The following AK3 variants were observed in gnomAD, a reference collection of about 807,000 sequenced individuals.
The protein encoded by AK3 is adenylate kinase 3.
In AK3, 27 loss-of-function variants were observed where a neutral mutation model predicts 23.7. The observed-to-expected ratio is 1.14, with a 90% CI of 0.84 to 1.57. AK3 has a LOEUF of 1.57. AK3 is among the 40% of genes most tolerant of loss of function. AK3 has a pLI of 0.00. For missense variants in AK3, 406 were observed against 285.6 expected (o/e 1.42, Z -3.04); for synonymous variants, 159 against 116.0 (o/e 1.37, Z -2.38).
At chr9:4,739,747 C>A (rs1044096179) in intron 1 of AK3, among the ~76,000 whole-genome samples, 1 of 151,882 alleles carries the variant, frequency 6.6e-6, no homozygotes, top group Non-Finnish European at 1.5e-5. Flanking sequence ...CTGGCTAACA[C>A]AGTGAAACCC....
chr9:4,716,086 T>C (rs910838169), intron 4 of AK3, among the ~76,000 whole-genome samples: 1 of 152,212 alleles, frequency 6.6e-6, no homozygotes, highest in Non-Finnish European at 1.5e-5. Flanking sequence ...GCGGAGTGAC[T>C]GACGCCTGAT....
Position 4,713,041 on chromosome 9 carries a change from A to G in AK3, c.619T>C (p.Tyr207His). 1.2e-6 allele frequency: 2 copies of G among 1,613,818 alleles called. No individual in the cohort carries two copies. Among genetic ancestry groups the G allele is most frequent in the Non-Finnish European group, 1.7e-6 (2 of 1,179,796 alleles). ...TTAGTTTGTAGGAAAGCATATACAT[A>G]GGGCCAAATCTTGTTGGTTTCTGTT... Reference protein sequence around the residue: ...SGTETNKIWPYVYAFLQTKVP... With the variant: ...SGTETNKIWPHVYAFLQTKVP... The change falls in exon 5 of 5, where the codon TAT becomes CAT. Residue 207 changes from tyrosine to histidine, a missense_variant. Transcript: ENST00000381809.
Position 4,735,224 on chromosome 9 carries a change from CATATAT to C in AK3, c.151+5707_151+5712del, listed in dbSNP as rs551638259. On this transcript the variant is annotated intron_variant, in intron 1 of 4. Transcript: ENST00000381809. ...AGCCTGGACCAACATGGTGAGACCC[CATATAT>C]ATATATACATATATAAATATATATA... 6.9e-5 allele frequency among the ~76,000 whole-genome samples: 8 copies of C among 116,722 alleles called. 1 individual carries two copies. The highest frequency in any genetic ancestry group is 1.1e-4 in the Admixed American group (1 of 9,200). 76.6% of individuals were successfully genotyped at this position (116,722 alleles called of 152,430 possible). A position where few individuals can be genotyped will look rare whatever the true frequency, so the allele number is the denominator to read the frequency against.
intron 1 of AK3, among the ~76,000 whole-genome samples, chr9:4,739,248 C>T (rs417364): frequency 0.078 from 11,787 of 151,406 alleles, 470 homozygotes; most frequent in Middle Eastern, 0.099. Flanking sequence ...TGGAGTGCAG[C>T]GTTGCAATCT....
chr9:4,728,866 T>TACACACACAC (rs57364192), intron 1 of AK3, among the ~76,000 whole-genome samples: 10 of 87,906 alleles, frequency 1.1e-4, no homozygotes, highest in African/African-American at 2.6e-4. Context: ...TATATATATA[T>TACACACACAC]ACACACACAC....
Position 4,710,225 on chromosome 9 carries a change from TG to T in AK3, c.*2750del, listed in dbSNP as rs1387875315. The T allele has an allele frequency of 1.3e-5, 2 of 152,450 alleles. No homozygotes were observed. Among genetic ancestry groups the T allele is most frequent in the African/African-American group, 4.8e-5 (2 of 41,584 alleles). 9.4% of individuals were successfully genotyped at this position (152,450 alleles called of 1,614,324 possible). A position where few individuals can be genotyped will look rare whatever the true frequency, so the allele number is the denominator to read the frequency against. On this transcript the variant is annotated 3_prime_UTR_variant, in exon 5 of 5. Transcript: ENST00000381809. ...TGCTGTTCTCCCTGGCTTTTTTTTTTGAGACGGAGTCTCCCTCTGTCGCCCA... is the reference window on the plus strand; with the variant it reads ...TGCTGTTCTCCCTGGCTTTTTTTTTTAGACGGAGTCTCCCTCTGTCGCCCA...
intron 4 of AK3, among the ~76,000 whole-genome samples, chr9:4,717,721 A>C (rs142731989): frequency 6.6e-6 from 1 of 152,358 alleles, no homozygotes; most frequent in East Asian, 1.9e-4. Context: ...GATATTCAAC[A>C]CTTTATTACA....
rs560178647 is a variant in AK3 at position 4,741,193 on chromosome 9, G to A, written c.-106C>T. ...CGGCCGGCTAGCAGCGCCACTAGCA[G>A]GCGGCTACTGCGGTTCCCCGGCGTT... On this transcript the variant is annotated 5_prime_UTR_variant, in exon 1 of 5. Coordinates refer to ENST00000381809, the MANE Select transcript of AK3 (RefSeq NM_016282.4). 3.8e-5 allele frequency: 47 copies of A among 1,228,816 alleles called. No homozygotes were observed. The highest frequency in any genetic ancestry group is 4.7e-5 in the Non-Finnish European group (45 of 954,676). 76.1% of individuals were successfully genotyped at this position (1,228,816 alleles called of 1,614,324 possible). A position where few individuals can be genotyped will look rare whatever the true frequency, so the allele number is the denominator to read the frequency against.
At chr9:4,715,789 G>A (rs1383826521) in intron 4 of AK3, among the ~76,000 whole-genome samples, 5 of 152,128 alleles carry the variant, frequency 3.3e-5, no homozygotes, top group Non-Finnish European at 7.4e-5. Context: ...CCTTGCAGTG[G>A]TGGTGTTATC....
At chr9:4,713,163 G>A in intron 4 of AK3, 67 bp from the exon 5 acceptor site, 1 of 1,566,580 alleles carries the variant, frequency 6.4e-7, no homozygotes. Context: ...CTCTTTCAAA[G>A]CCTTTCTGTA....
At chr9:4,715,216 C>CAAAAAAAAA (rs1237615381) in intron 4 of AK3, among the ~76,000 whole-genome samples, 4 of 56,916 alleles carry the variant, frequency 7.0e-5, no homozygotes, top group Admixed American at 2.2e-4. Context: ...GACTCCGTCT[C>CAAAAAAAAA]AAAAAAAAAA....
At chr9:4,728,998 C>T (rs967798547) in intron 1 of AK3, among the ~76,000 whole-genome samples, 5 of 91,354 alleles carry the variant, frequency 5.5e-5, no homozygotes, top group South Asian at 4.4e-4. Context: ...CACACACACA[C>T]ATATATATAT....
intron 2 of AK3, among the ~76,000 whole-genome samples, chr9:4,719,967 G>C (rs1841850957): frequency 6.6e-6 from 1 of 151,614 alleles, no homozygotes; most frequent in African/African-American, 2.4e-5. Context: ...TGGGAGGCGA[G>C]GTGGGAGAAT....
At chr9:4,718,849 T>C (rs901271903) in intron 3 of AK3, among the ~76,000 whole-genome samples, 2 of 152,190 alleles carry the variant, frequency 1.3e-5, no homozygotes, top group Admixed American at 6.5e-5. Flanking sequence ...AAGTCCTAAA[T>C]AAACCAAGGT....
intron 2 of AK3, among the ~76,000 whole-genome samples, chr9:4,719,783 T>C (rs528106914): frequency 5.9e-5 from 9 of 152,100 alleles, no homozygotes; most frequent in Non-Finnish European, 1.3e-4. Flanking sequence ...ATCCAGGGAC[T>C]GGCCGGGCGC....
At chr9:4,733,310 G>C (rs960268136) in intron 1 of AK3, among the ~76,000 whole-genome samples, 1 of 147,980 alleles carries the variant, frequency 6.8e-6, no homozygotes, top group Non-Finnish European at 1.5e-5. Context: ...TTAAATGATA[G>C]CTTTACACCC....
At chr9:4,713,422 A>G (rs944263419) in intron 4 of AK3, among the ~76,000 whole-genome samples, 5 of 152,162 alleles carry the variant, frequency 3.3e-5, no homozygotes, top group African/African-American at 1.2e-4. Context: ...CCAAAGCTCA[A>G]ATTTTCTTAT....
At chr9:4,715,835 A>G (rs1841711636) in intron 4 of AK3, among the ~76,000 whole-genome samples, 1 of 152,136 alleles carries the variant, frequency 6.6e-6, no homozygotes, top group Non-Finnish European at 1.5e-5. Context: ...TCCTCTGGTT[A>G]CCTTTGGGAA....
chr9:4,735,478 ATTT>A (rs201454793), intron 1 of AK3, among the ~76,000 whole-genome samples: 4 of 62,594 alleles, frequency 6.4e-5, no homozygotes, highest in Admixed American at 2.2e-4. Context: ...ATATATATAT[ATTT>A]TTTTTTTTTT....
Sources: allele counts gnomAD v4.1 joint callset (sites outside exome capture counted in the v4.1 genomes callset), GRCh38; gene constraint gnomAD v4.1.1; transcripts MANE v1.5; gene names NCBI Gene and HGNC (gene_info 2026-07-23, HGNC 2026-07-21).